The following PRKN variants were observed in gnomAD, a reference collection of about 807,000 sequenced individuals.
PRKN encodes E3 ubiquitin-protein ligase parkin.
Under a neutral mutation model 59.5 loss-of-function variants are expected in PRKN, and 56 were observed. That is an observed-to-expected ratio of 0.94 (90% CI 0.76 to 1.18). PRKN has a LOEUF of 1.18. PRKN is among the 50% of genes most tolerant of loss of function. The pLI is 0.00. For missense variants in PRKN, 657 were observed against 596.4 expected (o/e 1.10, Z -1.06); for synonymous variants, 250 against 222.1 (o/e 1.13, Z -1.12).
chr6:161,941,238 A>G (rs992852325), intron 6 of PRKN, among the ~76,000 whole-genome samples: 2 of 152,204 alleles, frequency 1.3e-5, no homozygotes, highest in African/African-American at 4.8e-5. Context: ...AAAAACCCTG[A>G]GAGCCTAGCA....
chr6:162,699,806 T>A (rs1778089532), intron 1 of PRKN, among the ~76,000 whole-genome samples: 2 of 152,082 alleles, frequency 1.3e-5, no homozygotes, highest in South Asian at 4.1e-4. Context: ...AACCAGAGGA[T>A]GAGGCTGTTC....
chr6:161,746,037 C>T (rs1338717988), intron 7 of PRKN, among the ~76,000 whole-genome samples: 1 of 152,192 alleles, frequency 6.6e-6, no homozygotes, highest in African/African-American at 2.4e-5. Context: ...AAACAAAATG[C>T]TCACATTCGT....
At chr6:162,726,953 A>T (rs1254586910) in intron 1 of PRKN, among the ~76,000 whole-genome samples, 1 of 152,060 alleles carries the variant, frequency 6.6e-6, no homozygotes, top group African/African-American at 2.4e-5. Context: ...AACAACTCTG[A>T]TGCCACTAAG....
chr6:162,700,515 A>G (rs1199512299), intron 1 of PRKN, among the ~76,000 whole-genome samples: 2 of 152,186 alleles, frequency 1.3e-5, no homozygotes, highest in Non-Finnish European at 2.9e-5. Context: ...CTTCAGCAAG[A>G]CTATGAGATC....
chr6:161,881,829 C>T (rs891078453), intron 6 of PRKN, among the ~76,000 whole-genome samples: 6 of 152,122 alleles, frequency 3.9e-5, no homozygotes, highest in Non-Finnish European at 8.8e-5. Context: ...CCTTTGCTCC[C>T]GATGGCAAAC....
intron 7 of PRKN, among the ~76,000 whole-genome samples, chr6:161,730,202 CTGTGTTGCATTCTGA>C (rs1186554874): frequency 6.9e-6 from 1 of 145,244 alleles, no homozygotes; most frequent in South Asian, 2.2e-4. Flanking sequence ...TGCATTCTTT[CTGTGTTGCATTCTGA>C]TGTGTTGCAT....
chr6:161,763,210 ACT>A (rs1247626304), intron 7 of PRKN, among the ~76,000 whole-genome samples: 1 of 151,496 alleles, frequency 6.6e-6, no homozygotes, highest in African/African-American at 2.4e-5. Context: ...AAATCGTGCG[ACT>A]CTCTGTAAGC....
intron 9 of PRKN, among the ~76,000 whole-genome samples, chr6:161,519,827 C>G (rs73782924): frequency 1.3e-5 from 2 of 152,034 alleles, no homozygotes; most frequent in African/African-American, 2.4e-5. Flanking sequence ...TGGCCTTCAG[C>G]GCATTCCTCC....
chr6:162,332,605 G>A (rs1443752097), intron 2 of PRKN, among the ~76,000 whole-genome samples: 1 of 152,064 alleles, frequency 6.6e-6, no homozygotes, highest in Non-Finnish European at 1.5e-5. Context: ...TCCATCTGTT[G>A]GAAAATTGCT....
intron 2 of PRKN, among the ~76,000 whole-genome samples, chr6:162,344,004 G>A (rs1010380639): frequency 1.3e-5 from 2 of 152,172 alleles, no homozygotes; most frequent in Non-Finnish European, 2.9e-5. Flanking sequence ...TTACCACAGT[G>A]ATGACAGAGC....
intron 9 of PRKN, among the ~76,000 whole-genome samples, chr6:161,389,493 G>C (rs944638938): frequency 6.6e-6 from 1 of 152,176 alleles, no homozygotes; most frequent in Non-Finnish European, 1.5e-5. Context: ...GCATCAGAAC[G>C]TCCTTACACA....
At chr6:162,093,211 A>T (rs577000439) in intron 4 of PRKN, among the ~76,000 whole-genome samples, 236 of 152,290 alleles carry the variant, frequency 1.5e-3, no homozygotes, top group South Asian at 7.5e-3. Context: ...GCCTAAATAA[A>T]TGGTCTATAA....
intron 5 of PRKN, among the ~76,000 whole-genome samples, chr6:162,021,170 T>C (rs1444749172): frequency 1.8e-5 from 1 of 55,200 alleles, no homozygotes; most frequent in Non-Finnish European, 4.0e-5. Context: ...ATATATAAAA[T>C]ATATGTGTAT....
chr6:161,449,657 A>G (rs1464717215), intron 9 of PRKN, among the ~76,000 whole-genome samples: 2 of 152,218 alleles, frequency 1.3e-5, no homozygotes, highest in Non-Finnish European at 1.5e-5. Flanking sequence ...ACTGGCATCT[A>G]GACCTCAAAG....
chr6:162,235,774 G>A (rs7759824), intron 3 of PRKN, among the ~76,000 whole-genome samples: 62,919 of 150,418 alleles, frequency 0.42, 15,076 homozygotes, highest in East Asian at 0.78. Context: ...TTGCACTCTA[G>A]CCTGGGTGAC....
chr6:161,700,833 A>G (rs1488935000), intron 7 of PRKN, among the ~76,000 whole-genome samples: 1 of 152,210 alleles, frequency 6.6e-6, no homozygotes, highest in Non-Finnish European at 1.5e-5. Flanking sequence ...CACTCTAGCC[A>G]AAGAAATATG....
At chr6:161,867,825 A>G in intron 6 of PRKN, among the ~76,000 whole-genome samples, 1 of 151,564 alleles carries the variant, frequency 6.6e-6, no homozygotes, top group Admixed American at 6.6e-5. Context: ...CAGCGGCACA[A>G]TCTTGGCTCA....
At chr6:161,921,533 C>T (rs187545620) in intron 6 of PRKN, among the ~76,000 whole-genome samples, 113 of 152,306 alleles carry the variant, frequency 7.4e-4, no homozygotes, top group African/African-American at 2.6e-3. Context: ...TTTACACCAG[C>T]ACCACCACAA....
chr6:162,275,793 A>G (rs1780611337), intron 2 of PRKN, among the ~76,000 whole-genome samples: 1 of 152,058 alleles, frequency 6.6e-6, no homozygotes, highest in Admixed American at 6.6e-5. Flanking sequence ...CTCAAAAAAA[A>G]AAAACGAAAT....
Sources: gnomAD v4.1 joint callset for allele counts (sites outside exome capture counted in the v4.1 genomes callset) on GRCh38, gnomAD v4.1.1 for gene constraint, MANE v1.5 for transcripts, NCBI Gene and HGNC (gene_info 2026-07-23, HGNC 2026-07-21) for gene names.